Variants in YAP1 observed in about 807,000 individuals in gnomAD.
The protein encoded by YAP1 is transcriptional coactivator YAP1.
In YAP1, 5 loss-of-function variants were observed where a neutral mutation model predicts 56.9. The ratio of observed to expected loss-of-function variants is 0.09; its 90% confidence interval spans 0.05 to 0.18. The LOEUF is 0.18. Ranked by LOEUF, YAP1 falls within the 10% of genes least tolerant of loss-of-function variation. YAP1 has a pLI of 1.00. For synonymous variants in YAP1, 265 were observed against 248.1 expected, an observed-to-expected ratio of 1.07 and a Z score of -0.64; for missense variants, 539 against 651.8, an observed-to-expected ratio of 0.83 and a Z score of 1.88.
chr11:102,223,682 G>C lies in YAP1; in HGVS notation c.1093G>C (p.Val365Leu), dbSNP rs556763878. ...GCAGGATGGTGGGACTCAAAATCCA[G>C]TGTCTTCTCCCGGGATGTCTCAGGA... is the stretch of plus-strand genomic sequence containing the variant. ...LEQDGGTQNP[V>L]SSPGMSQELR... is the part of the protein sequence containing the mutation. The change falls in exon 7 of 9, where the codon GTG becomes CTG. Residue 365 changes from valine (V) to leucine (L), a missense_variant. Physicochemically the swap from Val to Leu is conservative, Grantham distance 32. Transcript: ENST00000282441. The C allele has an allele frequency of 1.2e-6, 2 of 1,614,166 alleles. No homozygotes were observed. The highest frequency in any genetic ancestry group is 2.7e-5 in the African/African-American group (2 of 75,044).
intron 3 of YAP1, among the ~76,000 whole-genome samples, chr11:102,177,934 TGTG>T (rs1947359750): frequency 6.6e-6 from 1 of 152,116 alleles, no homozygotes; most frequent in African/African-American, 2.4e-5. Flanking sequence ...TTGTCATAAT[TGTG>T]GTGTAGTATT....
chr11:102,130,517 C>T (rs1944313614), intron 2 of YAP1, among the ~76,000 whole-genome samples: 1 of 152,050 alleles, frequency 6.6e-6, no homozygotes, highest in Non-Finnish European at 1.5e-5. Context: ...GATTCTCCAC[C>T]TCAGCCTCCT....
At chr11:102,150,230 C>T (rs541687755) in intron 2 of YAP1, among the ~76,000 whole-genome samples, 10 of 151,914 alleles carry the variant, frequency 6.6e-5, no homozygotes, top group South Asian at 6.2e-4. Context: ...GTGATCCTCC[C>T]GCCTCGGCTT....
intron 2 of YAP1, among the ~76,000 whole-genome samples, chr11:102,140,570 C>A (rs979065999): frequency 6.6e-6 from 1 of 152,134 alleles, no homozygotes; most frequent in Non-Finnish European, 1.5e-5. Flanking sequence ...TTAGGCCTGG[C>A]GTGGTGGCTC....
intron 8 of YAP1, among the ~76,000 whole-genome samples, chr11:102,228,474 A>C (rs1251277311): frequency 1.3e-5 from 2 of 151,804 alleles, no homozygotes; most frequent in Admixed American, 6.6e-5. Context: ...GTCTCTACTA[A>C]AAATATAAAA....
Position 102,121,786 on chromosome 11 carries a change from T to C in YAP1, c.572+7392T>C, listed in dbSNP as rs75294970. Among the ~76,000 whole-genome samples the C allele has an allele frequency of 3.2e-3, 493 of 152,184 alleles. 1 individual carries two copies. Among genetic ancestry groups the C allele is most frequent in the Non-Finnish European group, 5.7e-3 (387 of 68,010 alleles). ...TAGGCATTTCTTTTAATAAGGTATA[T>C]TATTTTTTTGTATTTGTTTGGTTTA... is the stretch of plus-strand genomic sequence containing the variant. On this transcript the variant is annotated intron_variant, in intron 2 of 8. Transcript: ENST00000282441.
intron 6 of YAP1, among the ~76,000 whole-genome samples, chr11:102,216,626 G>T (rs1383037914): frequency 6.6e-6 from 1 of 152,098 alleles, no homozygotes; most frequent in Non-Finnish European, 1.5e-5. Flanking sequence ...TAATTGGATT[G>T]TCTACAAAAC....
At chr11:102,183,739 T>TGTG (rs1565241068) in intron 3 of YAP1, among the ~76,000 whole-genome samples, 1 of 150,650 alleles carries the variant, frequency 6.6e-6, no homozygotes, top group East Asian at 1.9e-4. Flanking sequence ...TGTGTGTGTG[T>TGTG]TTAAACCACA....
chr11:102,231,773 A>C lies in YAP1; in HGVS notation c.*1833A>C, dbSNP rs964404245. On this transcript the variant is annotated 3_prime_UTR_variant, in exon 9 of 9. Transcript: ENST00000282441. ...TTATTTTCAAGGGTTCATAACAGGC[A>C]TAAAATCTCTTCTCCTGGCAAAAGC... is the stretch of plus-strand genomic sequence containing the variant. 1 of 152,666 alleles carries C rather than the reference A, an allele frequency of 6.6e-6. No individual in the cohort carries two copies. The highest frequency in any genetic ancestry group is 1.9e-4 in the East Asian group (1 of 5,198). 9.5% of individuals were successfully genotyped at this position (152,666 alleles called of 1,614,324 possible).
At chr11:102,172,060 C>G (rs12222063) in intron 3 of YAP1, among the ~76,000 whole-genome samples, 69,512 of 151,370 alleles carry the variant, frequency 0.46, 16,084 homozygotes, top group East Asian at 0.63. Flanking sequence ...GTGTTTGGTG[C>G]CGTTTGCCTG....
chr11:102,156,819 C>CT (rs1402718028), intron 2 of YAP1, among the ~76,000 whole-genome samples: 5 of 152,216 alleles, frequency 3.3e-5, no homozygotes, highest in South Asian at 4.1e-4. Flanking sequence ...TGGCATTATT[C>CT]TCATGGCTGG....
intron 6 of YAP1, among the ~76,000 whole-genome samples, chr11:102,210,221 C>A (rs1198249630): frequency 6.6e-6 from 1 of 152,142 alleles, no homozygotes; most frequent in Non-Finnish European, 1.5e-5. Flanking sequence ...GAATCTCGTT[C>A]TTAAAACCAA....
chr11:102,205,386 A>T (rs530698099), intron 4 of YAP1, among the ~76,000 whole-genome samples: 3 of 152,122 alleles, frequency 2.0e-5, no homozygotes, highest in Admixed American at 6.5e-5. Context: ...TGAATTTTTA[A>T]TTTATATATT....
At chr11:102,169,636 A>G (rs531130643) in intron 3 of YAP1, among the ~76,000 whole-genome samples, 2 of 152,294 alleles carry the variant, frequency 1.3e-5, no homozygotes, top group African/African-American at 4.8e-5. Flanking sequence ...AAATAAAAAC[A>G]CTTATTTTTT....
chr11:102,185,599 C>T (rs1349395718), intron 3 of YAP1, among the ~76,000 whole-genome samples: 2 of 152,130 alleles, frequency 1.3e-5, no homozygotes, highest in African/African-American at 4.8e-5. Flanking sequence ...ATATTTTCAA[C>T]GTTCTAAAAA....
intron 6 of YAP1, among the ~76,000 whole-genome samples, chr11:102,210,652 A>G (rs1395693385): frequency 6.6e-6 from 1 of 152,190 alleles, no homozygotes; most frequent in Non-Finnish European, 1.5e-5. Flanking sequence ...ATACCATTTG[A>G]CTGTGAAGTG....
intron 2 of YAP1, among the ~76,000 whole-genome samples, chr11:102,139,416 C>G (rs562049026): frequency 6.6e-6 from 1 of 152,284 alleles, no homozygotes; most frequent in African/African-American, 2.4e-5. Flanking sequence ...ATTCAAGCCC[C>G]CATCCTGCAG....
intron 4 of YAP1, among the ~76,000 whole-genome samples, chr11:102,187,049 TAAC>T (rs1263623415): frequency 3.3e-5 from 5 of 152,186 alleles, no homozygotes; most frequent in Middle Eastern, 3.4e-3. Context: ...GGGTTTGACC[TAAC>T]AACAACTGCG....
Position 102,231,626 on chromosome 11 carries a change from C to A in YAP1, c.*1686C>A. The stretch of plus-strand genomic sequence containing the variant: ...TTCCAAAGAGTATTTTTTAAAGGAA[C>A]AAAACGAGCATGAATTAACTCTTCA... On this transcript the variant is annotated 3_prime_UTR_variant, in exon 9 of 9. Transcript: ENST00000282441. 1 of 152,492 alleles carries A rather than the reference C, an allele frequency of 6.6e-6. No individual in the cohort carries two copies. The highest frequency in any genetic ancestry group is 1.5e-5 in the Non-Finnish European group (1 of 67,998). The allele number at this position is 152,492 out of a possible 1,614,324, so 9.4% of individuals were successfully genotyped here.
Sources: allele counts gnomAD v4.1 joint callset (sites outside exome capture counted in the v4.1 genomes callset), GRCh38; gene constraint gnomAD v4.1.1; transcripts MANE v1.5; gene names NCBI Gene and HGNC (gene_info 2026-07-23, HGNC 2026-07-21).